Variants in SEC16B observed in about 807,000 individuals in gnomAD.
SEC16B encodes SEC16 homolog B, endoplasmic reticulum export factor, also known as protein transport protein Sec16B.
In SEC16B, 115 loss-of-function variants were observed where a neutral mutation model predicts 141.8. The ratio of observed to expected loss-of-function variants is 0.81; its 90% CI spans 0.70 to 0.95. The LOEUF is 0.95. Among genes scored for constraint, SEC16B ranks in the 40% least tolerant of loss-of-function variants. The probability of loss-of-function intolerance (pLI) is 0.00; values close to 1 mark genes in which losing one functional copy is unlikely to be tolerated. For synonymous variants in SEC16B, 493 were observed against 492.5 expected (o/e 1.00, Z -0.01); for missense variants, 1,291 against 1,312.3 (o/e 0.98, Z 0.25).
chr1:177,933,297 A>G lies in SEC16B; in HGVS notation c.2740T>C (p.Trp914Arg), dbSNP rs1307429069. 1.2e-6 allele frequency: 2 copies of G among 1,601,812 alleles called. No homozygotes were observed. Among genetic ancestry groups the G allele is most frequent in the East Asian group, 2.3e-5 (1 of 44,402 alleles). ...KEHTKSSGFG[W>R]FSWFRSKPTK... is the part of the protein sequence containing the mutation. ...GGCTTCGATCGAAACCAGCTGAACC[A>G]GCCAAACCCTGAGCTCTGGAAGGGG... Residue 914 changes from tryptophan to arginine, a missense_variant, in exon 22 of 26, where the codon TGG becomes CGG. By Grantham distance (101) the Trp-to-Arg change is moderately radical. Transcript: ENST00000308284.
chr1:177,936,248 C>A (rs1650830894), intron 20 of SEC16B, 50 bp downstream of exon 20: 1 of 1,500,150 alleles, frequency 6.7e-7, no homozygotes, highest in Non-Finnish European at 9.2e-7. Flanking sequence ...CTGGTAAAAA[C>A]CAGAAGCATT....
chr1:177,965,995 C>A lies in SEC16B; in HGVS notation c.310G>T (p.Glu104Ter). The A allele has an allele frequency of 1.3e-6, 2 of 1,578,408 alleles. No individual in the cohort carries two copies. The highest frequency in any genetic ancestry group is 2.7e-5 in the African/African-American group (2 of 74,602). Residue 104 changes from glutamate to a stop codon, truncating the protein, a stop_gained, in exon 3 of 26, where the codon GAG becomes TAG. Transcript: ENST00000308284. LOFTEE classifies it high-confidence loss of function. ...GACTGATAGCTCTGATATGAATTCT[C>A]ATAACCTGGCCTAAAATATCACAAA... ...RNQLYSRPGYENSYQSYQSPT... is the reference protein window; with the variant it reads ...RNQLYSRPGY
intron 12 of SEC16B, 123 bp from the exon 13 acceptor site, chr1:177,948,065 A>G (rs1651871446): frequency 1.3e-6 from 1 of 787,932 alleles, no homozygotes; most frequent in African/African-American, 1.7e-5. Context: ...ACCACCTGCA[A>G]TGCTGCCATT....
chr1:177,981,456 C>G (rs1465471859), intron 1 of SEC16B, among the ~76,000 whole-genome samples: 1 of 152,168 alleles, frequency 6.6e-6, no homozygotes, highest in Non-Finnish European at 1.5e-5. Flanking sequence ...GGTTGACTGA[C>G]ATAACAGAAT....
chr1:177,964,404 G>T, intron 4 of SEC16B, 125 bp from the exon 5 acceptor site: 1 of 594,088 alleles, frequency 1.7e-6, no homozygotes. Context: ...GGGTGCCATA[G>T]GAGAAAGCAT....
At chr1:177,935,543 T>G (rs1345720698) in intron 20 of SEC16B, among the ~76,000 whole-genome samples, 3 of 152,036 alleles carry the variant, frequency 2.0e-5, no homozygotes, top group African/African-American at 7.2e-5. Flanking sequence ...TGTGTATATA[T>G]AGAAAAATAG....
At chr1:177,964,333 T>C (rs1209248887) in intron 4 of SEC16B, 54 bp from the exon 5 acceptor site, 1 of 1,326,488 alleles carries the variant, frequency 7.5e-7, no homozygotes, top group East Asian at 2.5e-5. Context: ...CCAGCAAGGC[T>C]GAGGCACTCT....
Position 177,937,296 on chromosome 1 carries a change from T to C in SEC16B, c.2421A>G (p.Pro807=), listed in dbSNP as rs765291371. The C allele has an allele frequency of 6.2e-7, 1 of 1,613,894 alleles. No homozygotes were observed. The highest frequency in any genetic ancestry group is 8.5e-7 in the Non-Finnish European group (1 of 1,179,872). The change falls in exon 19 of 26, where the codon CCA becomes CCG. Residue 807 remains proline (P), a synonymous_variant. Coordinates refer to ENST00000308284, the MANE Select transcript of SEC16B (RefSeq NM_033127.4). ...TCACTGCCACGCTGCTGCCAGTCCCTGGTAGATGGGTCTCAGGAACTGAGT... is the reference window on the plus strand; with the variant it reads ...TCACTGCCACGCTGCTGCCAGTCCCCGGTAGATGGGTCTCAGGAACTGAGT... The part of the protein sequence containing the change: ...PFYSVPETHL[P]GTGSSVAVTE...
intron 1 of SEC16B, among the ~76,000 whole-genome samples, chr1:177,978,512 C>A (rs1654267986): frequency 6.6e-6 from 1 of 151,996 alleles, no homozygotes; most frequent in South Asian, 2.1e-4. Context: ...TCAAGAAACC[C>A]TGGTCAACAT....
rs746136740 is a variant in SEC16B, at chr1:177,946,486, G to C, written c.1709C>G (p.Ala570Gly). The change falls in exon 14 of 26, where the codon GCT (alanine) becomes GGT (glycine). Residue 570 changes from alanine (A) to glycine (G), a missense_variant. Coordinates refer to ENST00000308284, the MANE Select transcript of SEC16B (RefSeq NM_033127.4). ...VEAAHFCYLMAHVPFGHYTVK... is the reference protein window; with the variant it reads ...VEAAHFCYLMGHVPFGHYTVK... Reference sequence around the variant, plus strand: ...GGTGTAGTGGCCAAAGGGCACGTGAGCCATGAGATAGCAGAAGTGAGCTGC... The same window carrying C: ...GGTGTAGTGGCCAAAGGGCACGTGACCCATGAGATAGCAGAAGTGAGCTGC... 25 of 1,585,562 alleles carry C rather than the reference G, an allele frequency of 1.6e-5. No individual in the cohort carries two copies. The South Asian group carries it at 2.9e-4, about 18-fold the overall frequency.
chr1:177,934,081 T>G (rs953267248), intron 20 of SEC16B, among the ~76,000 whole-genome samples: 4 of 151,376 alleles, frequency 2.6e-5, no homozygotes, highest in African/African-American at 9.7e-5. Context: ...CAAGCTCAAC[T>G]GTGAACATAT....
intron 1 of SEC16B, among the ~76,000 whole-genome samples, chr1:177,983,272 C>T (rs972456448): frequency 9.9e-5 from 15 of 152,110 alleles, no homozygotes; most frequent in African/African-American, 1.9e-4. Flanking sequence ...TGCCAGGATC[C>T]GAATCCAGGT....
intron 6 of SEC16B, chr1:177,961,204 G>T: frequency 4.3e-6 from 2 of 469,172 alleles, no homozygotes; most frequent in Non-Finnish European, 3.8e-6. Flanking sequence ...GTGATGCTGA[G>T]AGGCCAAGGA....
chr1:177,951,938 C>T lies in SEC16B; in HGVS notation c.1521G>A (p.Ser507=), dbSNP rs778408889. Residue 507 remains serine, a synonymous_variant, in exon 12 of 26, where the codon TCG becomes TCA. Coordinates refer to ENST00000308284, the MANE Select transcript of SEC16B (RefSeq NM_033127.4). ...CCGTGGCTGCCTGTGGAATCCTCCCCGACATGAGCTGGAAGAGGGTCTGCA... is the reference window on the plus strand; with the variant it reads ...CCGTGGCTGCCTGTGGAATCCTCCCTGACATGAGCTGGAAGAGGGTCTGCA... The part of the protein sequence containing the change: ...DPLQTLFQLM[S]GRIPQAATCC... The T allele has an allele frequency of 1.2e-5, 19 of 1,606,214 alleles. No individual in the cohort carries two copies. The East Asian group carries it at 1.3e-4, about 11-fold the overall frequency.
chr1:177,949,006 T>G (rs919390636), intron 12 of SEC16B, among the ~76,000 whole-genome samples: 1 of 151,886 alleles, frequency 6.6e-6, no homozygotes, highest in South Asian at 2.1e-4. Context: ...ACCTTCCAAT[T>G]TGTTATATAG....
At chr1:177,980,998 A>G (rs1654387969) in intron 1 of SEC16B, among the ~76,000 whole-genome samples, 1 of 152,042 alleles carries the variant, frequency 6.6e-6, no homozygotes, top group Non-Finnish European at 1.5e-5. Context: ...AAAAGTTGAG[A>G]GCTGATACTG....
chr1:177,943,087 A>T (rs2101924583), intron 15 of SEC16B, among the ~76,000 whole-genome samples: 1 of 152,326 alleles, frequency 6.6e-6, no homozygotes, highest in Non-Finnish European at 1.5e-5. Flanking sequence ...AATACACAAG[A>T]AGAGTAATGC....
At chr1:177,944,762 G>T in intron 14 of SEC16B, 96 bp from the exon 15 acceptor site, 1 of 1,011,718 alleles carries the variant, frequency 9.9e-7, no homozygotes, top group Non-Finnish European at 1.5e-6. Context: ...AGCCTTTCAT[G>T]GGGGAGTTTC....
intron 12 of SEC16B, among the ~76,000 whole-genome samples, chr1:177,950,156 A>G (rs1652057360): frequency 1.3e-5 from 2 of 152,174 alleles, no homozygotes; most frequent in Non-Finnish European, 2.9e-5. Context: ...AAGGATAAAA[A>G]AAAAAAATGA....
Sources: gnomAD v4.1 joint callset for allele counts (sites outside exome capture counted in the v4.1 genomes callset) on GRCh38, gnomAD v4.1.1 for gene constraint, MANE v1.5 for transcripts, NCBI Gene and HGNC (gene_info 2026-07-23, HGNC 2026-07-21) for gene names.